The following PDE1A variants were observed in gnomAD, a reference collection of about 807,000 sequenced individuals.
PDE1A encodes the protein phosphodiesterase 1A, also known as dual specificity calcium/calmodulin-dependent 3',5'-cyclic nucleotide phosphodiesterase 1A.
In PDE1A, 35 loss-of-function variants were observed where a neutral mutation model predicts 61.7. The ratio of observed to expected loss-of-function variants is 0.57; its 90% CI spans 0.43 to 0.75. The LOEUF (loss-of-function observed/expected upper bound fraction) is 0.75, where lower values mean the gene tolerates loss of function less well. PDE1A is among the 30% of genes least tolerant of loss of function. The pLI is 0.00. For synonymous variants in PDE1A, 232 were observed against 213.2 expected, an observed-to-expected ratio of 1.09 and a Z score of -0.77; for missense variants, 597 against 630.6, an observed-to-expected ratio of 0.95 and a Z score of 0.57.
chr2:182,484,756 T>TG (rs1177949170), intron 2 of PDE1A, among the ~76,000 whole-genome samples: 2 of 150,912 alleles, frequency 1.3e-5, no homozygotes, highest in Non-Finnish European at 3.0e-5. Flanking sequence ...AACAAGCATG[T>TG]GAAAAAAAAA....
the PDE1A span, among the ~76,000 whole-genome samples, chr2:182,700,721 C>CA: frequency 0.04 from 950 of 23,894 alleles, 100 homozygotes; most frequent in African/African-American, 0.081. Context: ...GACTCCATCT[C>CA]AAAAAAAAAA....
the PDE1A span, among the ~76,000 whole-genome samples, chr2:182,534,675 TATTA>T: frequency 1.3e-4 from 19 of 151,730 alleles, no homozygotes; most frequent in Non-Finnish European, 2.5e-4. Context: ...GATTATTTTA[TATTA>T]ATTACTTATA....
chr2:182,310,264 G>T (rs1205249079), intron 1 of PDE1A, among the ~76,000 whole-genome samples: 1 of 152,126 alleles, frequency 6.6e-6, no homozygotes, highest in Non-Finnish European at 1.5e-5. Context: ...AAATCCTGTG[G>T]TTTCCTTTCC....
At chr2:182,655,996 G>A in the PDE1A span, among the ~76,000 whole-genome samples, 3 of 152,180 alleles carry the variant, frequency 2.0e-5, no homozygotes, top group African/African-American at 4.8e-5. Context: ...CCTGATTGAT[G>A]GTTGGCTGAC....
the PDE1A span, among the ~76,000 whole-genome samples, chr2:182,534,780 C>T: frequency 6.6e-6 from 1 of 151,748 alleles, no homozygotes; most frequent in South Asian, 2.1e-4. Flanking sequence ...TTACACCTAA[C>T]TTTTTATGTA....
At chr2:182,389,694 G>C (rs973272411) in intron 1 of PDE1A, among the ~76,000 whole-genome samples, 1 of 152,178 alleles carries the variant, frequency 6.6e-6, no homozygotes. Context: ...TATTGTTCCT[G>C]GGTGTGTCTG....
intron 1 of PDE1A, among the ~76,000 whole-genome samples, chr2:182,382,237 G>A (rs1300664454): frequency 6.6e-6 from 1 of 152,168 alleles, no homozygotes; most frequent in Non-Finnish European, 1.5e-5. Flanking sequence ...TTTAAAAGCA[G>A]AGTTTTCCTT....
At chr2:182,542,437 G>C in the PDE1A span, among the ~76,000 whole-genome samples, 6 of 152,100 alleles carry the variant, frequency 3.9e-5, no homozygotes, top group African/African-American at 1.4e-4. Flanking sequence ...CATCACTGAA[G>C]ATGTATGAAA....
chr2:182,208,818 CTTTG>C (rs1434118189), intron 7 of PDE1A, among the ~76,000 whole-genome samples: 2 of 152,192 alleles, frequency 1.3e-5, no homozygotes, highest in African/African-American at 4.8e-5. Context: ...CCTACAGTCC[CTTTG>C]TTTGGGCCAA....
the PDE1A span, among the ~76,000 whole-genome samples, chr2:182,705,997 G>A: frequency 2.0e-5 from 3 of 152,260 alleles, no homozygotes; most frequent in South Asian, 2.1e-4. Flanking sequence ...GTTATGCAAC[G>A]GAATTGTTAA....
chr2:182,211,740 T>C (rs1448481229), intron 7 of PDE1A, among the ~76,000 whole-genome samples: 1 of 152,240 alleles, frequency 6.6e-6, no homozygotes, highest in Non-Finnish European at 1.5e-5. Flanking sequence ...TATACCTAAA[T>C]ATTTAATTTT....
chr2:182,293,740 G>A (rs562959447), intron 1 of PDE1A, among the ~76,000 whole-genome samples: 32 of 152,264 alleles, frequency 2.1e-4, no homozygotes, highest in African/African-American at 7.7e-4. Context: ...CAATATAACT[G>A]TAAGAGGAGT....
At chr2:182,555,164 T>C in the PDE1A span, among the ~76,000 whole-genome samples, 1 of 152,238 alleles carries the variant, frequency 6.6e-6, no homozygotes, top group African/African-American at 2.4e-5. Context: ...TTCAGAGCTT[T>C]CTGTTGACAG....
chr2:182,623,783 A>G, the PDE1A span, among the ~76,000 whole-genome samples: 1 of 152,210 alleles, frequency 6.6e-6, no homozygotes, highest in East Asian at 1.9e-4. Context: ...ACACCGTGAC[A>G]TAAGTTTTCT....
At chr2:182,570,788 G>T in the PDE1A span, among the ~76,000 whole-genome samples, 1 of 152,136 alleles carries the variant, frequency 6.6e-6, no homozygotes, top group African/African-American at 2.4e-5. Context: ...GCCAGATAGT[G>T]GAGAGCTTAA....
upstream of PDE1A, among the ~76,000 whole-genome samples, chr2:182,430,753 T>C (rs1045872621): frequency 2.9e-5 from 4 of 137,008 alleles, no homozygotes; most frequent in African/African-American, 1.0e-4. Context: ...GTGGCACATA[T>C]ACACCATGGA....
At chr2:182,370,499 G>C (rs1279702830) in intron 1 of PDE1A, among the ~76,000 whole-genome samples, 2 of 152,188 alleles carry the variant, frequency 1.3e-5, no homozygotes, top group Admixed American at 1.3e-4. Flanking sequence ...TGGGAACAAT[G>C]TCAGGCAATT....
exon 2 of PDE1A, chr2:182,522,347 T>G: frequency 1.9e-6 from 3 of 1,613,636 alleles, no homozygotes; most frequent in Non-Finnish European, 2.5e-6. Context: ...TGTTTTCCAA[T>G]TCTTCAATCT....
the PDE1A span, among the ~76,000 whole-genome samples, chr2:182,530,343 A>AGAG: frequency 0.9 from 137,065 of 152,138 alleles, 61,942 homozygotes; most frequent in East Asian, 1. Flanking sequence ...GCCAGATGAA[A>AGAG]AGCAGGGGGG....
Sources: allele counts gnomAD v4.1 joint callset (sites outside exome capture counted in the v4.1 genomes callset), GRCh38; gene constraint gnomAD v4.1.1; transcripts MANE v1.5; gene names NCBI Gene and HGNC (gene_info 2026-07-23, HGNC 2026-07-21).